Variants in EIF3B observed in about 807,000 individuals in gnomAD.
EIF3B encodes eukaryotic translation initiation factor 3 subunit 9.
Under a neutral mutation model 104.6 loss-of-function variants are expected in EIF3B, and 10 were observed. The ratio of observed to expected loss-of-function variants is 0.10; its 90% confidence interval spans 0.06 to 0.16. The LOEUF (loss-of-function observed/expected upper bound fraction) is 0.16. Ranked by LOEUF, EIF3B falls within the 10% of genes least tolerant of loss-of-function variation. EIF3B has a pLI of 1.00. For missense variants in EIF3B, 1,014 were observed against 1,087.9 expected, an observed-to-expected ratio of 0.93 and a Z score of 0.96; for synonymous variants, 542 against 417.2, an observed-to-expected ratio of 1.30 and a Z score of -3.65.
intron 1 of EIF3B, among the ~76,000 whole-genome samples, chr7:2,359,889 C>T (rs949831305): frequency 6.6e-6 from 1 of 152,164 alleles, no homozygotes; most frequent in Non-Finnish European, 1.5e-5. Flanking sequence ...TTGAGTGTTA[C>T]GTGAGTAGGA....
At chr7:2,371,695 TG>T in intron 10 of EIF3B, 81 bp from the exon 11 acceptor site, 2 of 1,107,976 alleles carry the variant, frequency 1.8e-6, no homozygotes, top group Non-Finnish European at 2.8e-6. Flanking sequence ...AATCTTTCAT[TG>T]TGACGTTGAT....
rs1028659969 is a variant in EIF3B, at chr7:2,374,721, G to C, written c.1889+115G>C. ...TAGAGAGAGTATTGTGCGCTGAAAG[G>C]GTTGCCCCAGTGTCAGTGGATAGGA... On this transcript the variant is annotated intron_variant, in intron 13 of 18. Transcript: ENST00000360876. 4 of 979,244 alleles carry C rather than the reference G, an allele frequency of 4.1e-6. No homozygotes were observed. The East Asian group carries it at 1.0e-4, about 25-fold the overall frequency. 60.7% of individuals were successfully genotyped at this position (979,244 alleles called of 1,614,324 possible).
intron 1 of EIF3B, among the ~76,000 whole-genome samples, chr7:2,360,077 C>A (rs1371091357): frequency 6.6e-6 from 1 of 152,164 alleles, no homozygotes; most frequent in Non-Finnish European, 1.5e-5. Context: ...TTTTCCCCAT[C>A]CCCTGTGAAT....
At chr7:2,361,135 C>T (rs1405002237) in intron 2 of EIF3B, among the ~76,000 whole-genome samples, 2 of 152,152 alleles carry the variant, frequency 1.3e-5, no homozygotes, top group Admixed American at 6.5e-5. Context: ...AATAGGCCAG[C>T]ATGGTGGCTT....
At position 2,377,036 on chromosome 7, in the gene EIF3B, G is replaced by T. The variant is rs776459378; in HGVS notation, c.2115G>T (p.Arg705=). The part of the protein sequence containing the change: ...NKDRFCQLLW[R]PRPPTLLSQE... ...ACCGCTTCTGCCAGCTGCTGTGGCG[G>T]CCCCGGCCTCCCACACTCCTGAGCC... Residue 705 remains arginine, a synonymous_variant, in exon 15 of 19, where the codon CGG becomes CGT. Coordinates refer to ENST00000360876, the MANE Select transcript of EIF3B (RefSeq NM_001037283.2). 82 of 1,613,568 alleles carry T rather than the reference G, an allele frequency of 5.1e-5. No homozygotes were observed. The highest frequency in any genetic ancestry group is 6.7e-5 in the Non-Finnish European group (79 of 1,179,996).
At chr7:2,363,581 G>GT in intron 4 of EIF3B, 51 bp from the exon 5 acceptor site, 3 of 1,537,324 alleles carry the variant, frequency 2.0e-6, no homozygotes, top group Non-Finnish European at 2.6e-6. Context: ...TTGTGAATGA[G>GT]TTTTTTATTA....
intron 1 of EIF3B, among the ~76,000 whole-genome samples, chr7:2,357,429 G>C (rs925974383): frequency 6.6e-6 from 1 of 152,214 alleles, no homozygotes; most frequent in South Asian, 2.1e-4. Context: ...CAGGGTCATT[G>C]TGCAAGACCG....
chr7:2,366,929 A>T (rs757404661), intron 8 of EIF3B, 70 bp from the exon 9 acceptor site: 216 of 1,511,594 alleles, frequency 1.4e-4, no homozygotes, highest in Non-Finnish European at 1.8e-4. Flanking sequence ...TCCTTTTGTA[A>T]AAAGTTAGGT....
At chr7:2,379,962 C>A in intron 18 of EIF3B, 3 of 250,288 alleles carry the variant, frequency 1.2e-5, no homozygotes, top group Non-Finnish European at 1.6e-5. Flanking sequence ...TCCTGGGGGC[C>A]TCCGCGCCTC....
Position 2,372,840 on chromosome 7 carries a change from A to G in EIF3B, c.1810+45A>G, listed in dbSNP as rs769965433. Reference sequence around the variant, plus strand: ...TCCTCTTCTGAGTAGGTCAGCACAGATGATGACCCAGTCGCTGCCCAACAG... The same window carrying G: ...TCCTCTTCTGAGTAGGTCAGCACAGGTGATGACCCAGTCGCTGCCCAACAG... On this transcript the variant is annotated intron_variant, in intron 12 of 18. Coordinates refer to ENST00000360876, the MANE Select transcript of EIF3B (RefSeq NM_001037283.2). 3.8e-6 allele frequency: 6 copies of G among 1,594,656 alleles called. No homozygotes were observed. In the South Asian group the frequency reaches 4.5e-5, roughly 12 times the overall value.
At chr7:2,358,688 G>C (rs898421858) in intron 1 of EIF3B, among the ~76,000 whole-genome samples, 1 of 151,662 alleles carries the variant, frequency 6.6e-6, no homozygotes, top group Non-Finnish European at 1.5e-5. Context: ...CACCATGCTT[G>C]GATCATTTTT....
At chr7:2,379,535 T>G in intron 18 of EIF3B, 24 bp downstream of exon 18, 1 of 1,447,404 alleles carries the variant, frequency 6.9e-7, no homozygotes, top group Non-Finnish European at 9.5e-7. Flanking sequence ...GGGGGCGCGA[T>G]GGGGGTCCTG....
rs1240300336 is a variant in EIF3B at position 2,360,894 on chromosome 7, G to T, written c.684G>T (p.Lys228Asn). ...ATTTTTATCCTGAAGAGGATGGGAAGACAAAAGGGTGAGTGTTCTCCTGTT... is the reference window on the plus strand; with the variant it reads ...ATTTTTATCCTGAAGAGGATGGGAATACAAAAGGGTGAGTGTTCTCCTGTT... ...TNDFYPEEDG[K>N]TKGYIFLEYA... Residue 228 changes from lysine to asparagine, a missense_variant, in exon 2 of 19, where the codon AAG (lysine) becomes AAT (asparagine). Physicochemically the swap from Lys to Asn is moderately conservative, Grantham distance 94 (BLOSUM62 0). Around this residue, in one of 4 missense-constraint regions of EIF3B, gnomAD observed 488 missense variants for 404.3 expected, o/e 1.21. Transcript: ENST00000360876. 1 of 1,608,988 alleles carries T rather than the reference G, an allele frequency of 6.2e-7. No homozygotes were observed. Among genetic ancestry groups the T allele is most frequent in the South Asian group, 1.1e-5 (1 of 90,948 alleles).
chr7:2,355,777 C>T (rs1340265249), intron 1 of EIF3B, among the ~76,000 whole-genome samples: 1 of 152,032 alleles, frequency 6.6e-6, no homozygotes, highest in Non-Finnish European at 1.5e-5. Context: ...AACCGAAGAC[C>T]CGGTGGCAGG....
In EIF3B at chr7:2,360,127, G is replaced by C. The variant is rs553654093; in HGVS notation, c.500-583G>C. 2.6e-5 allele frequency among the ~76,000 whole-genome samples: 4 copies of C among 152,248 alleles called. No homozygotes were observed. In the South Asian group the frequency reaches 8.3e-4, roughly 32 times the overall value. ...CGGCCTGAAAACATGAAAATCACTG[G>C]GAACAGGAGGTGGGAGAAGAGTTAC... On this transcript the variant is annotated intron_variant, in intron 1 of 18. Transcript: ENST00000360876.
In EIF3B at chr7:2,374,583, C is replaced by G; in HGVS notation, c.1866C>G (p.Phe622Leu). Residue 622 changes from phenylalanine (F) to leucine (L), a missense_variant, in exon 13 of 19, where the codon TTC becomes TTG. Around this residue, in one of 4 missense-constraint regions of EIF3B, gnomAD observed 266 missense variants for 324.0 expected, o/e 0.82. Transcript: ENST00000360876. ...TCTTCTGGAGCCCCCAAGGACAGTT[C>G]GTGGTGTTGGCGGGCCTGAGGAGGT... Reference protein sequence around the residue: ...NTIFWSPQGQFVVLAGLRSMN... With the variant: ...NTIFWSPQGQLVVLAGLRSMN... 4 of 1,614,062 alleles carry G rather than the reference C, an allele frequency of 2.5e-6. No homozygotes were observed. Among genetic ancestry groups the G allele is most frequent in the Non-Finnish European group, 3.4e-6 (4 of 1,179,932 alleles).
intron 15 of EIF3B, among the ~76,000 whole-genome samples, chr7:2,377,297 T>C (rs1031939880): frequency 4.6e-5 from 7 of 152,240 alleles, no homozygotes; most frequent in African/African-American, 1.7e-4. Context: ...AAGTTTTGCA[T>C]GAACCCGAGG....
At chr7:2,372,146 C>T in intron 11 of EIF3B, 1 of 384,458 alleles carries the variant, frequency 2.6e-6, no homozygotes, top group East Asian at 4.9e-5. Flanking sequence ...GCAGAGGTTG[C>T]AGTGAACTGA....
In EIF3B at chr7:2,354,936, G is replaced by A. The variant is rs1170392725; in HGVS notation, c.15G>A (p.Glu5=). 5 of 1,229,528 alleles carry A rather than the reference G, an allele frequency of 4.1e-6. No homozygotes were observed. The highest frequency in any genetic ancestry group is 2.2e-5 in the South Asian group (1 of 46,092). 76.2% of individuals were successfully genotyped at this position (1,229,528 alleles called of 1,614,324 possible). A position where few individuals can be genotyped will look rare whatever the true frequency, so the allele number is the denominator to read the frequency against. The change falls in exon 1 of 19, where the codon GAG becomes GAA. Residue 5 remains glutamate, a synonymous_variant. Transcript: ENST00000360876. ...GCGTTGGGCCCATGCAGGACGCGGA[G>A]AACGTGGCGGTGCCCGAGGCGGCCG... is the stretch of plus-strand genomic sequence containing the variant. The part of the protein sequence containing the change: MQDA[E]NVAVPEAAEE...
Sources: gnomAD v4.1 joint callset for allele counts (sites outside exome capture counted in the v4.1 genomes callset) on GRCh38, gnomAD v4.1.1 for gene constraint, gnomAD v4.1.1 regional missense constraint, MANE v1.5 for transcripts, NCBI Gene and HGNC (gene_info 2026-07-23, HGNC 2026-07-21) for gene names.